CTNNA3: variants seen among roughly 807,000 people sequenced by gnomAD.
The protein encoded by CTNNA3 is catenin alpha-3.
Under a neutral mutation model 95.7 loss-of-function variants are expected in CTNNA3, and 76 were observed. The ratio of observed to expected loss-of-function variants is 0.79; its 90% CI spans 0.66 to 0.96. The LOEUF is 0.96. Ranked by LOEUF, CTNNA3 falls within the 40% of genes least tolerant of loss-of-function variation. The probability of loss-of-function intolerance (pLI) is 0.00; values close to 1 mark genes in which losing one functional copy is unlikely to be tolerated. For synonymous variants in CTNNA3, 431 were observed against 374.4 expected (o/e 1.15, Z -1.74); for missense variants, 1,191 against 1,089.8 (o/e 1.09, Z -1.31).
At chr10:67,660,733 C>G (rs1840159985) in intron 1 of CTNNA3, among the ~76,000 whole-genome samples, 1 of 151,964 alleles carries the variant, frequency 6.6e-6, no homozygotes, top group Non-Finnish European at 1.5e-5. Context: ...AGATCGAGAC[C>G]ATCCTGGCTA....
chr10:66,908,913 C>T (rs1335246711), intron 7 of CTNNA3, among the ~76,000 whole-genome samples: 2 of 152,128 alleles, frequency 1.3e-5, no homozygotes, highest in African/African-American at 4.8e-5. Flanking sequence ...TTCTTCAGCA[C>T]CTAGAATGGG....
At chr10:67,284,986 T>G (rs1032540307) in intron 5 of CTNNA3, among the ~76,000 whole-genome samples, 1 of 152,144 alleles carries the variant, frequency 6.6e-6, no homozygotes, top group Non-Finnish European at 1.5e-5. Context: ...TTAAAAGCGT[T>G]TTTGCTCCTG....
chr10:66,029,810 A>G (rs540337088), intron 15 of CTNNA3, among the ~76,000 whole-genome samples: 1 of 152,336 alleles, frequency 6.6e-6, no homozygotes, highest in South Asian at 2.1e-4. Flanking sequence ...GAGTAGATAA[A>G]CATACAAATA....
chr10:66,304,162 T>C (rs1418286461), intron 12 of CTNNA3, among the ~76,000 whole-genome samples: 1 of 152,120 alleles, frequency 6.6e-6, no homozygotes, highest in Non-Finnish European at 1.5e-5. Context: ...CTCAATCTCA[T>C]AGGGAATCAA....
chr10:67,418,575 T>C (rs1366234663), intron 5 of CTNNA3, among the ~76,000 whole-genome samples: 3 of 150,768 alleles, frequency 2.0e-5, no homozygotes, highest in African/African-American at 7.3e-5. Context: ...AAGCATATTA[T>C]GTTAAGTGAT....
chr10:66,094,179 A>G (rs2081308397), intron 14 of CTNNA3, among the ~76,000 whole-genome samples: 1 of 151,980 alleles, frequency 6.6e-6, no homozygotes, highest in South Asian at 2.1e-4. Context: ...GGGGCAGCGT[A>G]GGAATTGTGT....
chr10:65,973,440 C>G (rs893130629), intron 16 of CTNNA3, among the ~76,000 whole-genome samples: 2 of 152,050 alleles, frequency 1.3e-5, no homozygotes, highest in African/African-American at 4.8e-5. Flanking sequence ...TATTTGCAAA[C>G]TATGAATCTA....
At chr10:66,154,215 T>C (rs2084356342) in intron 13 of CTNNA3, among the ~76,000 whole-genome samples, 1 of 151,912 alleles carries the variant, frequency 6.6e-6, no homozygotes, top group African/African-American at 2.4e-5. Context: ...TCCTTGGTTC[T>C]ACTCTTTTAT....
intron 12 of CTNNA3, among the ~76,000 whole-genome samples, chr10:66,355,792 C>A (rs1472753204): frequency 6.6e-6 from 1 of 151,874 alleles, no homozygotes; most frequent in Non-Finnish European, 1.5e-5. Flanking sequence ...ACCAAAGTCA[C>A]AAAAATTTAT....
chr10:67,106,287 GT>G (rs1338879094), intron 7 of CTNNA3, among the ~76,000 whole-genome samples: 1 of 152,150 alleles, frequency 6.6e-6, no homozygotes, highest in Non-Finnish European at 1.5e-5. Context: ...ATCTGATATA[GT>G]TTTCAGATAA....
chr10:66,199,367 G>A (rs2087170086), intron 13 of CTNNA3, among the ~76,000 whole-genome samples: 1 of 151,726 alleles, frequency 6.6e-6, no homozygotes, highest in African/African-American at 2.4e-5. Context: ...TCTGGTAGTT[G>A]ACTCTTGTGT....
chr10:66,876,566 C>T (rs1844629835), intron 7 of CTNNA3, among the ~76,000 whole-genome samples: 1 of 152,044 alleles, frequency 6.6e-6, no homozygotes, highest in Admixed American at 6.6e-5. Flanking sequence ...CATTTATATC[C>T]ATGCAAATCA....
At chr10:67,396,753 C>T (rs2132790041) in intron 5 of CTNNA3, among the ~76,000 whole-genome samples, 1 of 152,036 alleles carries the variant, frequency 6.6e-6, no homozygotes, top group South Asian at 2.1e-4. Flanking sequence ...CCATAATCCC[C>T]ATGTGTCATG....
At chr10:66,310,456 G>C (rs1277760819) in intron 12 of CTNNA3, among the ~76,000 whole-genome samples, 2 of 151,958 alleles carry the variant, frequency 1.3e-5, no homozygotes, top group African/African-American at 2.4e-5. Context: ...GCCTTTATTT[G>C]GGCAATAATA....
At chr10:67,745,538 A>T (rs897109781) in intron 1 of CTNNA3, among the ~76,000 whole-genome samples, 1 of 151,208 alleles carries the variant, frequency 6.6e-6, no homozygotes, top group Non-Finnish European at 1.5e-5. Context: ...GAGGGATAGC[A>T]TTAGGAGATA....
At chr10:66,846,604 T>C (rs904571859) in intron 7 of CTNNA3, among the ~76,000 whole-genome samples, 6 of 151,890 alleles carry the variant, frequency 4.0e-5, no homozygotes, top group Admixed American at 6.6e-5. Context: ...TATATATATA[T>C]ACACAAATTT....
At chr10:67,190,181 A>C (rs1310718235) in intron 6 of CTNNA3, among the ~76,000 whole-genome samples, 1 of 152,008 alleles carries the variant, frequency 6.6e-6, no homozygotes, top group Non-Finnish European at 1.5e-5. Flanking sequence ...TTTTGAGAAG[A>C]CTGAGATCAT....
chr10:67,525,058 T>G (rs1231930384), intron 4 of CTNNA3, among the ~76,000 whole-genome samples: 1 of 152,266 alleles, frequency 6.6e-6, no homozygotes, highest in South Asian at 2.1e-4. Flanking sequence ...TTGAAGAGAT[T>G]TTTAATACTG....
intron 6 of CTNNA3, among the ~76,000 whole-genome samples, chr10:67,181,438 G>A (rs1048372385): frequency 6.0e-4 from 91 of 152,254 alleles, no homozygotes; most frequent in African/African-American, 2.0e-3. Context: ...TAGGCATAAT[G>A]TGAGAATTGA....
Sources: gnomAD v4.1 joint callset for allele counts (sites outside exome capture counted in the v4.1 genomes callset) on GRCh38, gnomAD v4.1.1 for gene constraint, MANE v1.5 for transcripts, NCBI Gene and HGNC (gene_info 2026-07-23, HGNC 2026-07-21) for gene names.